SLC6A6: variants seen among roughly 807,000 people sequenced by gnomAD.
SLC6A6 encodes the protein solute carrier family 6 member 6, also known as sodium- and chloride-dependent taurine transporter.
Under a neutral mutation model 68.8 loss-of-function variants are expected in SLC6A6, and 16 were observed. The observed-to-expected ratio is 0.23, with a 90% CI of 0.16 to 0.35. The LOEUF is 0.35. SLC6A6 is among the 10% of genes least tolerant of loss of function. The probability of loss-of-function intolerance (pLI) is 1.00; values close to 1 mark genes in which losing one functional copy is unlikely to be tolerated. For missense variants in SLC6A6, 474 were observed against 802.8 expected, an observed-to-expected ratio of 0.59 and a Z score of 4.95; for synonymous variants, 312 against 315.4, an observed-to-expected ratio of 0.99 and a Z score of 0.12.
At chr3:14,466,411 C>T in intron 6 of SLC6A6, 105 bp from the exon 7 acceptor site, 12 of 1,314,194 alleles carry the variant, frequency 9.1e-6, no homozygotes, top group Non-Finnish European at 1.2e-5. Context: ...GGCTCCAGAA[C>T]TCCTGATCCT....
At chr3:14,448,171 T>C (rs768808619) in intron 5 of SLC6A6, 42 of 828,762 alleles carry the variant, frequency 5.1e-5, no homozygotes, top group Non-Finnish European at 6.0e-5. Flanking sequence ...ATATATTCTG[T>C]TATTGCACAG....
chr3:14,471,560 G>A (rs1700752755), intron 9 of SLC6A6, among the ~76,000 whole-genome samples: 1 of 152,182 alleles, frequency 6.6e-6, no homozygotes, highest in African/African-American at 2.4e-5. Context: ...GCAGGCCTCA[G>A]GGCTTGCAGG....
intron 1 of SLC6A6, among the ~76,000 whole-genome samples, chr3:14,410,429 T>A (rs1004443260): frequency 6.6e-6 from 1 of 152,190 alleles, no homozygotes; most frequent in Non-Finnish European, 1.5e-5. Context: ...CCTTACAGTT[T>A]GGCTGCTCAG....
At chr3:14,415,484 C>A (rs1427945150) in intron 1 of SLC6A6, among the ~76,000 whole-genome samples, 1 of 151,980 alleles carries the variant, frequency 6.6e-6, no homozygotes, top group Non-Finnish European at 1.5e-5. Context: ...CCCTCCCATG[C>A]CCTCTCCCCC....
rs1701119241 is a variant in SLC6A6, at chr3:14,485,148, A to ATGTG, written c.*144_*147dup. On this transcript the variant is annotated 3_prime_UTR_variant, in exon 15 of 15. Coordinates refer to ENST00000622186, the MANE Select transcript of SLC6A6 (RefSeq NM_003043.6). ...TGTCACAGAAAATGTAATTGTGGGT[A>ATGTG]TGTGTGCGTGCGTGTGTGTGTGTGT... 4 of 604,648 alleles carry ATGTG rather than the reference A, an allele frequency of 6.6e-6. No individual in the cohort carries two copies. Among genetic ancestry groups the ATGTG allele is most frequent in the South Asian group, 4.3e-5 (2 of 46,944 alleles). 37.5% of individuals were successfully genotyped at this position (604,648 alleles called of 1,614,324 possible).
chr3:14,461,305 G>A (rs1183915319), intron 6 of SLC6A6, among the ~76,000 whole-genome samples: 2 of 152,212 alleles, frequency 1.3e-5, no homozygotes, highest in Non-Finnish European at 2.9e-5. Context: ...GTTCAAGGAG[G>A]CTCATTACCT....
chr3:14,425,507 A>G (rs1699575298), intron 2 of SLC6A6, among the ~76,000 whole-genome samples: 1 of 152,170 alleles, frequency 6.6e-6, no homozygotes, highest in African/African-American at 2.4e-5. Context: ...AGATGAGTCA[A>G]TTAAAAAGGA....
Position 14,413,492 on chromosome 3 carries a change from C to CAAAAAAG in SLC6A6, c.-53-2920_-53-2919insAAAAAAG, listed in dbSNP as rs1559284002. Among the ~76,000 whole-genome samples the CAAAAAAG allele has an allele frequency of 2.0e-5, 3 of 152,372 alleles. No homozygotes were observed. In the East Asian group the frequency reaches 5.8e-4, roughly 29 times the overall value. Reference sequence around the variant, plus strand: ...GGGAAAAGTAGAACACGTAGTGACTCTGAGTCCTCAAAATGCTGTCCCTGG... The same window carrying CAAAAAAG: ...GGGAAAAGTAGAACACGTAGTGACTCAAAAAAGTGAGTCCTCAAAATGCTGTCCCTGG... On this transcript the variant is annotated intron_variant, in intron 1 of 14. Transcript: ENST00000622186.
intron 1 of SLC6A6, among the ~76,000 whole-genome samples, chr3:14,412,156 C>T (rs2124899408): frequency 6.6e-6 from 1 of 152,250 alleles, no homozygotes; most frequent in South Asian, 2.1e-4. Flanking sequence ...GGTGCTGTTC[C>T]TGCGGGACTC....
intron 5 of SLC6A6, among the ~76,000 whole-genome samples, chr3:14,456,913 G>A (rs1700380110): frequency 6.6e-6 from 1 of 152,236 alleles, no homozygotes; most frequent in Non-Finnish European, 1.5e-5. Flanking sequence ...GGTAACCTGG[G>A]AGGCCCAGTG....
intron 5 of SLC6A6, among the ~76,000 whole-genome samples, chr3:14,449,931 T>G (rs981591742): frequency 5.3e-5 from 8 of 152,058 alleles, no homozygotes; most frequent in African/African-American, 1.9e-4. Context: ...TTTGTATTTT[T>G]GGTAGAGATG....
chr3:14,423,978 G>T (rs971423227), intron 2 of SLC6A6, among the ~76,000 whole-genome samples: 2 of 152,080 alleles, frequency 1.3e-5, no homozygotes, highest in Non-Finnish European at 1.5e-5. Flanking sequence ...ATGATTCTGG[G>T]GAGAAGGGTC....
chr3:14,466,508 C>T lies in SLC6A6; in HGVS notation c.733-8C>T. 6.2e-7 allele frequency: 1 copy of T among 1,608,808 alleles called. No homozygotes were observed. The highest frequency in any genetic ancestry group is 8.5e-7 in the Non-Finnish European group (1 of 1,176,560). ...CCATGGCCTCCTGAATCCCTCTCGC[C>T]CTTGCAGGTCGTCTACTTCACAGCC... On this transcript the variant is annotated splice_region_variant and splice_polypyrimidine_tract_variant and intron_variant, in intron 6 of 14. Coordinates refer to ENST00000622186, the MANE Select transcript of SLC6A6 (RefSeq NM_003043.6).
At chr3:14,407,510 C>CT (rs55889836) in intron 1 of SLC6A6, among the ~76,000 whole-genome samples, 1,515 of 137,432 alleles carry the variant, frequency 0.011, 22 homozygotes, top group East Asian at 0.03. Flanking sequence ...TTTTCTTTTT[C>CT]TTTTTTTTTT....
chr3:14,447,572 C>A lies in SLC6A6; in HGVS notation c.365-10C>A. The A allele has an allele frequency of 6.2e-7, 1 of 1,614,064 alleles. No homozygotes were observed. Among genetic ancestry groups the A allele is most frequent in the Non-Finnish European group, 8.5e-7 (1 of 1,179,940 alleles). On this transcript the variant is annotated splice_polypyrimidine_tract_variant and intron_variant, in intron 4 of 14. Transcript: ENST00000622186. ...CAGATGTTTACTCATCTCATTTGCC[C>A]AACCTGCAGGTATCGGCTATGCCTC...
At chr3:14,408,974 T>A (rs1399254618) in intron 1 of SLC6A6, among the ~76,000 whole-genome samples, 1 of 149,262 alleles carries the variant, frequency 6.7e-6, no homozygotes. Flanking sequence ...GCCCAGCTAA[T>A]TTTTTTTGTA....
chr3:14,465,051 G>A (rs979985743), intron 6 of SLC6A6, among the ~76,000 whole-genome samples: 1 of 152,174 alleles, frequency 6.6e-6, no homozygotes, highest in African/African-American at 2.4e-5. Context: ...GTCCTGGGGG[G>A]CATGGTGAGG....
At chr3:14,406,344 T>C in intron 1 of SLC6A6, among the ~76,000 whole-genome samples, 1 of 152,112 alleles carries the variant, frequency 6.6e-6, no homozygotes, top group Admixed American at 6.5e-5. Flanking sequence ...GGGTTTGGGC[T>C]TTCTCCTGAT....
At chr3:14,445,986 C>T in intron 4 of SLC6A6, 135 bp downstream of exon 4, 1 of 853,956 alleles carries the variant, frequency 1.2e-6, no homozygotes, top group South Asian at 1.7e-5. Flanking sequence ...AAGATAGCAG[C>T]CAGTACAGTA....
Sources: gnomAD v4.1 joint callset for allele counts (sites outside exome capture counted in the v4.1 genomes callset) on GRCh38, gnomAD v4.1.1 for gene constraint, MANE v1.5 for transcripts, NCBI Gene and HGNC (gene_info 2026-07-23, HGNC 2026-07-21) for gene names.